STAG1: variants seen among roughly 807,000 people sequenced by gnomAD.
The protein encoded by STAG1 is cohesin subunit SA-1.
A neutral mutation model predicts 170.9 loss-of-function variants in STAG1; 26 were observed. The observed-to-expected ratio is 0.15, with a 90% confidence interval of 0.11 to 0.21. The LOEUF is 0.21. STAG1 is among the 10% of genes least tolerant of loss of function. STAG1 has a pLI of 1.00. For synonymous variants in STAG1, 514 were observed against 497.7 expected (o/e 1.03, Z -0.44); for missense variants, 964 against 1,509.5 (o/e 0.64, Z 5.99).
intron 20 of STAG1, among the ~76,000 whole-genome samples, chr3:136,420,014 G>A (rs1315514663): frequency 6.6e-6 from 1 of 151,876 alleles, no homozygotes; most frequent in Non-Finnish European, 1.5e-5. Flanking sequence ...TTGGGAGGCC[G>A]AGTGCCAGTG....
In STAG1 at chr3:136,481,966, TC is replaced by T. The variant is rs1278408700; in HGVS notation, c.903-4555del. 4.4e-4 allele frequency among the ~76,000 whole-genome samples: 25 copies of T among 56,622 alleles called. 6 individuals are homozygous for T. Among genetic ancestry groups the T allele is most frequent in the Admixed American group, 1.2e-3 (6 of 5,210 alleles). The allele number at this position is 56,622 out of a possible 152,430, so 37.1% of individuals were successfully genotyped here. On this transcript the variant is annotated intron_variant, in intron 9 of 33. Coordinates refer to ENST00000383202, the MANE Select transcript of STAG1 (RefSeq NM_005862.3). ...TTTTATTGCGTCTATTTGATTCTTC[TC>T]TTTTTTCTTTATTACTCTTGCTAGC... is the stretch of plus-strand genomic sequence containing the variant.
intron 4 of STAG1, among the ~76,000 whole-genome samples, chr3:136,579,826 G>A (rs1282290047): frequency 6.6e-6 from 1 of 151,928 alleles, no homozygotes; most frequent in African/African-American, 2.4e-5. Flanking sequence ...CAGTGTATAC[G>A]TATAAAATAT....
intron 29 of STAG1, chr3:136,348,786 A>C (rs186734111): frequency 1.1e-4 from 24 of 225,320 alleles, no homozygotes; most frequent in African/African-American, 4.9e-4. Context: ...TGCTGCAGAA[A>C]TCTACCCTCA....
chr3:136,588,250 T>C (rs1434006567), intron 4 of STAG1, among the ~76,000 whole-genome samples: 1 of 152,124 alleles, frequency 6.6e-6, no homozygotes, highest in Non-Finnish European at 1.5e-5. Flanking sequence ...TTATTAACAT[T>C]AGTGTCATTA....
At chr3:136,390,545 C>T (rs1041470118) in intron 22 of STAG1, among the ~76,000 whole-genome samples, 3 of 151,964 alleles carry the variant, frequency 2.0e-5, no homozygotes, top group African/African-American at 4.8e-5. Context: ...ATGGAACGAC[C>T]GAAAGGAAAG....
At chr3:136,579,388 C>T (rs1237818887) in intron 4 of STAG1, among the ~76,000 whole-genome samples, 1 of 103,698 alleles carries the variant, frequency 9.6e-6, no homozygotes, top group African/African-American at 3.9e-5. Flanking sequence ...AATCTGAACA[C>T]AGCTCAGTTG....
chr3:136,520,800 G>T (rs183122629), intron 7 of STAG1, among the ~76,000 whole-genome samples: 3 of 152,168 alleles, frequency 2.0e-5, no homozygotes, highest in Non-Finnish European at 4.4e-5. Flanking sequence ...ATTGTTTCAA[G>T]TATATAAACA....
chr3:136,430,677 A>G (rs911746697), intron 16 of STAG1, among the ~76,000 whole-genome samples: 2 of 151,608 alleles, frequency 1.3e-5, no homozygotes, highest in East Asian at 3.9e-4. Context: ...AAGTTTAAAA[A>G]TTTGTGTTGG....
intron 1 of STAG1, among the ~76,000 whole-genome samples, chr3:136,739,523 A>G (rs1208572856): frequency 6.6e-6 from 1 of 151,036 alleles, no homozygotes; most frequent in Non-Finnish European, 1.5e-5. Flanking sequence ...AAAAAAAGAA[A>G]AAAAAAAAAA....
chr3:136,383,704 C>A (rs1938100828), intron 22 of STAG1, among the ~76,000 whole-genome samples: 1 of 151,950 alleles, frequency 6.6e-6, no homozygotes, highest in African/African-American at 2.4e-5. Flanking sequence ...GCCTGTAATC[C>A]CAGCACTTTG....
At chr3:136,744,579 G>C (rs1021590769) in intron 1 of STAG1, among the ~76,000 whole-genome samples, 1 of 151,508 alleles carries the variant, frequency 6.6e-6, no homozygotes, top group Non-Finnish European at 1.5e-5. Flanking sequence ...GCTCTACTTT[G>C]CACTTTCCTT....
intron 29 of STAG1, among the ~76,000 whole-genome samples, chr3:136,346,152 T>C (rs575151374): frequency 1.3e-5 from 2 of 152,362 alleles, no homozygotes; most frequent in East Asian, 3.9e-4. Context: ...CCTCCTGTGT[T>C]TGGCACATCA....
chr3:136,405,234 T>G (rs2087445434), intron 21 of STAG1, among the ~76,000 whole-genome samples: 1 of 57,892 alleles, frequency 1.7e-5, no homozygotes, highest in African/African-American at 1.1e-4. Context: ...AAAACCTCTT[T>G]TTTTTTTTTT....
intron 1 of STAG1, among the ~76,000 whole-genome samples, 168 bp downstream of exon 1, chr3:136,752,027 C>T (rs1250806989): frequency 6.6e-6 from 1 of 150,912 alleles, no homozygotes; most frequent in Non-Finnish European, 1.5e-5. Context: ...GCCCGCGCGG[C>T]CTCCCTCCCC....
intron 7 of STAG1, among the ~76,000 whole-genome samples, chr3:136,504,263 G>A (rs1011438322): frequency 6.6e-6 from 1 of 152,018 alleles, no homozygotes; most frequent in African/African-American, 2.4e-5. Flanking sequence ...AAAAACAAAC[G>A]TGTTTAAGTT....
At chr3:136,488,955 A>G (rs2090070111) in intron 9 of STAG1, among the ~76,000 whole-genome samples, 1 of 152,216 alleles carries the variant, frequency 6.6e-6, no homozygotes, top group South Asian at 2.1e-4. Flanking sequence ...GGCATTTGGG[A>G]GCATCCAAAG....
chr3:136,624,574 A>G (rs925927156), intron 2 of STAG1, among the ~76,000 whole-genome samples: 2 of 152,360 alleles, frequency 1.3e-5, no homozygotes, highest in Admixed American at 1.3e-4. Context: ...GCTGACTCAG[A>G]TAAGGGCTGA....
At chr3:136,719,687 G>GTGGATGGATGGATGGATGGATGGATGGA (rs1217789868) in intron 1 of STAG1, among the ~76,000 whole-genome samples, 1 of 124,926 alleles carries the variant, frequency 8.0e-6, no homozygotes, top group African/African-American at 3.0e-5. Flanking sequence ...GGGTGGGTGG[G>GTGGATGGATGGATGGATGGATGGATGGA]TGGATGGATG....
chr3:136,338,449 G>T lies in STAG1; in HGVS notation c.3674C>A (p.Pro1225His). ...EFEDTMVIDLPPSRNRRERAE... is the reference protein window; with the variant it reads ...EFEDTMVIDLHPSRNRRERAE... ...TCTCTCTCGCCGATTTCTTGATGGAGGCTGGAAAGAGAAATCGGTTTCTTA... is the reference window on the plus strand; with the variant it reads ...TCTCTCTCGCCGATTTCTTGATGGATGCTGGAAAGAGAAATCGGTTTCTTA... Residue 1225 changes from proline (P) to histidine (H), a missense_variant and splice_region_variant, in exon 33 of 34, where the codon CCT (proline) becomes CAT (histidine). Physicochemically the swap from Pro to His is moderately conservative, Grantham distance 77 (BLOSUM62 -2). This residue lies in a region of STAG1 where 59 missense variants were observed against 104.2 expected (regional missense o/e 0.57). Transcript: ENST00000383202. The T allele has an allele frequency of 6.2e-7, 1 of 1,612,902 alleles. No individual in the cohort carries two copies. The highest frequency in any genetic ancestry group is 8.5e-7 in the Non-Finnish European group (1 of 1,179,088).
Sources: gnomAD v4.1 joint callset for allele counts (sites outside exome capture counted in the v4.1 genomes callset) on GRCh38, gnomAD v4.1.1 for gene constraint, gnomAD v4.1.1 regional missense constraint, MANE v1.5 for transcripts, NCBI Gene and HGNC (gene_info 2026-07-23, HGNC 2026-07-21) for gene names.